NALF1: variants seen among roughly 807,000 people sequenced by gnomAD.
NALF1 encodes NALCN channel auxiliary factor 1.
Under a neutral mutation model 48.4 loss-of-function variants are expected in NALF1, and 3 were observed. The ratio of observed to expected loss-of-function variants is 0.06; its 90% CI spans 0.03 to 0.16. The LOEUF is 0.16. NALF1 is among the 10% of genes least tolerant of loss of function. NALF1 has a pLI of 1.00. For missense variants in NALF1, 526 were observed against 571.5 expected, an observed-to-expected ratio of 0.92 and a Z score of 0.81; for synonymous variants, 262 against 245.7, an observed-to-expected ratio of 1.07 and a Z score of -0.62.
At chr13:107,282,529 A>G (rs1881409315) in intron 1 of NALF1, among the ~76,000 whole-genome samples, 1 of 152,170 alleles carries the variant, frequency 6.6e-6, no homozygotes, top group Admixed American at 6.5e-5. Flanking sequence ...TCCCTTCCAC[A>G]CTAGTAGGGT....
At chr13:107,338,959 C>A (rs765423529) in intron 1 of NALF1, among the ~76,000 whole-genome samples, 2 of 151,780 alleles carry the variant, frequency 1.3e-5, no homozygotes, top group South Asian at 4.2e-4. Flanking sequence ...GGTGAAACCC[C>A]GTCTCTACTA....
At chr13:107,201,563 C>T (rs755075410) in intron 2 of NALF1, among the ~76,000 whole-genome samples, 5 of 151,042 alleles carry the variant, frequency 3.3e-5, no homozygotes, top group East Asian at 1.9e-4. Flanking sequence ...GGTGACAGAG[C>T]GAAATTCTGT....
At chr13:107,697,923 T>C (rs1466874647) in intron 1 of NALF1, among the ~76,000 whole-genome samples, 2 of 152,174 alleles carry the variant, frequency 1.3e-5, no homozygotes, top group Non-Finnish European at 2.9e-5. Flanking sequence ...AAAGTTCTCC[T>C]CACCTCTAAT....
chr13:107,423,544 T>G (rs914296149), intron 1 of NALF1, among the ~76,000 whole-genome samples: 1 of 152,024 alleles, frequency 6.6e-6, no homozygotes, highest in African/African-American at 2.4e-5. Context: ...CAGCAAATAT[T>G]ATTTCAAAAA....
chr13:107,228,720 A>G (rs148137759), intron 1 of NALF1, among the ~76,000 whole-genome samples: 9,860 of 152,172 alleles, frequency 0.065, 436 homozygotes, highest in South Asian at 0.099. Flanking sequence ...CCCGGGCTCA[A>G]GCGATTCTCC....
chr13:107,772,014 C>T (rs1336403227), intron 1 of NALF1, among the ~76,000 whole-genome samples: 1 of 152,128 alleles, frequency 6.6e-6, no homozygotes, highest in Non-Finnish European at 1.5e-5. Flanking sequence ...GGGTTACAGA[C>T]ATGAGAACAA....
At chr13:107,837,920 TA>T (rs56351148) in intron 1 of NALF1, among the ~76,000 whole-genome samples, 9 of 150,562 alleles carry the variant, frequency 6.0e-5, no homozygotes, top group African/African-American at 7.3e-5. Flanking sequence ...GTATACAGAT[TA>T]AAAAAAAACA....
intron 1 of NALF1, among the ~76,000 whole-genome samples, chr13:107,756,435 C>CTATATATATACATATATATATATATA (rs1555323650): frequency 1.1e-4 from 15 of 141,052 alleles, no homozygotes; most frequent in African/African-American, 3.8e-4. Flanking sequence ...AGTTTAATGG[C>CTATATATATACATATATATATATATA]TATATATATA....
intron 1 of NALF1, among the ~76,000 whole-genome samples, chr13:107,353,688 G>A (rs1882913890): frequency 6.6e-6 from 1 of 152,196 alleles, no homozygotes; most frequent in Non-Finnish European, 1.5e-5. Flanking sequence ...ATAACTGTGA[G>A]ATAATAAATT....
intron 1 of NALF1, among the ~76,000 whole-genome samples, chr13:107,834,550 T>G (rs2138629999): frequency 6.6e-6 from 1 of 152,294 alleles, no homozygotes; most frequent in African/African-American, 2.4e-5. Context: ...GGGTAAACAA[T>G]TAACTAGTGT....
chr13:107,826,466 C>T (rs930319965), intron 1 of NALF1, among the ~76,000 whole-genome samples: 6 of 152,244 alleles, frequency 3.9e-5, no homozygotes, highest in Middle Eastern at 3.4e-3. Flanking sequence ...CATGAAAGAG[C>T]GGGAAAAGGC....
intron 1 of NALF1, among the ~76,000 whole-genome samples, chr13:107,299,302 A>G (rs1566478396): frequency 6.6e-6 from 1 of 151,970 alleles, no homozygotes; most frequent in Non-Finnish European, 1.5e-5. Context: ...ATGGTGGCGC[A>G]TGCCTGTAAT....
intron 1 of NALF1, among the ~76,000 whole-genome samples, chr13:107,301,147 G>T (rs749064641): frequency 4.0e-5 from 6 of 151,854 alleles, no homozygotes; most frequent in Non-Finnish European, 7.4e-5. Flanking sequence ...TTTAACCAAG[G>T]CTACTGAAGT....
chr13:107,282,659 C>A (rs1231291042), intron 1 of NALF1, among the ~76,000 whole-genome samples: 3 of 152,152 alleles, frequency 2.0e-5, no homozygotes, highest in Non-Finnish European at 2.9e-5. Context: ...GACCTTCCGG[C>A]CAACTTTTGG....
intron 1 of NALF1, among the ~76,000 whole-genome samples, chr13:107,852,813 G>C (rs143096212): frequency 6.1e-4 from 93 of 152,222 alleles, no homozygotes; most frequent in African/African-American, 2.1e-3. Flanking sequence ...AAAAAGTATA[G>C]GTTCAGGGCC....
At chr13:107,652,755 G>A (rs1039109267) in intron 1 of NALF1, among the ~76,000 whole-genome samples, 2 of 152,136 alleles carry the variant, frequency 1.3e-5, no homozygotes, top group Non-Finnish European at 2.9e-5. Context: ...CATTCCAGGA[G>A]TGAGATTTTA....
chr13:107,536,635 T>TGTAA (rs1270497759), intron 1 of NALF1, among the ~76,000 whole-genome samples: 1 of 152,202 alleles, frequency 6.6e-6, no homozygotes, highest in Non-Finnish European at 1.5e-5. Context: ...TTGGTGGGAC[T>TGTAA]GTAAACTGGT....
chr13:107,657,973 T>C (rs1431942233), intron 1 of NALF1, among the ~76,000 whole-genome samples: 1 of 152,174 alleles, frequency 6.6e-6, no homozygotes, highest in African/African-American at 2.4e-5. Flanking sequence ...GCCCTCCTTT[T>C]TGAACCAAAA....
intron 1 of NALF1, among the ~76,000 whole-genome samples, chr13:107,467,212 C>G (rs1205557649): frequency 6.6e-6 from 1 of 151,156 alleles, no homozygotes; most frequent in Non-Finnish European, 1.5e-5. Context: ...TTACATAATT[C>G]CATGTTGACA....
Sources: gnomAD v4.1 joint callset for allele counts (sites outside exome capture counted in the v4.1 genomes callset) on GRCh38, gnomAD v4.1.1 for gene constraint, MANE v1.5 for transcripts, NCBI Gene and HGNC (gene_info 2026-07-23, HGNC 2026-07-21) for gene names.